The following PTPRK variants were observed in gnomAD, a reference collection of about 807,000 sequenced individuals.
PTPRK encodes the protein protein tyrosine phosphatase receptor type K, also known as receptor-type tyrosine-protein phosphatase kappa.
A neutral mutation model predicts 178.0 loss-of-function variants in PTPRK; 75 were observed. That is an observed-to-expected ratio of 0.42 (90% CI 0.35 to 0.51). The LOEUF (loss-of-function observed/expected upper bound fraction) is 0.51, where lower values mean the gene tolerates loss of function less well. Among genes scored for constraint, PTPRK ranks in the 20% least tolerant of loss-of-function variants. The pLI is 0.02. For synonymous variants in PTPRK, 637 were observed against 620.6 expected, an observed-to-expected ratio of 1.03 and a Z score of -0.39; for missense variants, 1,441 against 1,797.8, an observed-to-expected ratio of 0.80 and a Z score of 3.59.
chr6:128,238,225 A>T (rs1485336635), intron 5 of PTPRK: 5 of 392,652 alleles, frequency 1.3e-5, no homozygotes, highest in Non-Finnish European at 1.9e-5. Context: ...AAAAGAGGTG[A>T]GGTAGGGGAG....
At chr6:128,371,015 G>A (rs987357566) in intron 2 of PTPRK, among the ~76,000 whole-genome samples, 1 of 152,018 alleles carries the variant, frequency 6.6e-6, no homozygotes, top group Admixed American at 6.6e-5. Context: ...AACATTTCAA[G>A]AGAACAATAT....
intron 1 of PTPRK, among the ~76,000 whole-genome samples, chr6:128,513,513 G>GAAAT (rs1393462558): frequency 1.2e-4 from 18 of 149,272 alleles, no homozygotes; most frequent in African/African-American, 4.4e-4. Context: ...AAGAAAGAAA[G>GAAAT]AAATAAAGAA....
At chr6:128,511,219 T>C (rs140264660) in intron 1 of PTPRK, among the ~76,000 whole-genome samples, 2 of 152,342 alleles carry the variant, frequency 1.3e-5, no homozygotes, top group African/African-American at 4.8e-5. Context: ...CCTCTCTTTC[T>C]CTTCCACGCT....
At chr6:128,352,439 AGATTT>A (rs1833322340) in intron 2 of PTPRK, among the ~76,000 whole-genome samples, 1 of 151,288 alleles carries the variant, frequency 6.6e-6, no homozygotes, top group Non-Finnish European at 1.5e-5. Flanking sequence ...TGTACAGTCC[AGATTT>A]GATTGCCTCT....
chr6:128,447,622 C>T (rs983279387), intron 1 of PTPRK, among the ~76,000 whole-genome samples: 12 of 150,902 alleles, frequency 8.0e-5, no homozygotes, highest in African/African-American at 2.0e-4. Context: ...AGATTCAAAA[C>T]CGTGCCTTTT....
intron 5 of PTPRK, among the ~76,000 whole-genome samples, chr6:128,226,289 A>G (rs1811280100): frequency 6.6e-6 from 1 of 152,250 alleles, no homozygotes; most frequent in Non-Finnish European, 1.5e-5. Flanking sequence ...TATTCATAGC[A>G]AATTCTGATA....
At chr6:128,302,093 AAAGC>A in intron 3 of PTPRK, among the ~76,000 whole-genome samples, 1 of 152,230 alleles carries the variant, frequency 6.6e-6, no homozygotes, top group Middle Eastern at 3.4e-3. Context: ...ATTTTCATAA[AAAGC>A]CAGGAAACGG....
intron 7 of PTPRK, among the ~76,000 whole-genome samples, chr6:128,132,163 G>A (rs1230117570): frequency 6.6e-6 from 1 of 152,084 alleles, no homozygotes; most frequent in East Asian, 1.9e-4. Flanking sequence ...CAGGCTGTGT[G>A]TTTTATTTTT....
At chr6:128,001,793 A>C (rs977108518) in intron 15 of PTPRK, among the ~76,000 whole-genome samples, 2 of 151,976 alleles carry the variant, frequency 1.3e-5, no homozygotes, top group African/African-American at 2.4e-5. Flanking sequence ...ATATGTGTAG[A>C]AAATTATTGT....
chr6:128,372,640 C>T (rs1054532160), intron 2 of PTPRK, among the ~76,000 whole-genome samples: 1 of 152,060 alleles, frequency 6.6e-6, no homozygotes, highest in Non-Finnish European at 1.5e-5. Context: ...TTTTAGGTTA[C>T]TGAGGACAGA....
intron 8 of PTPRK, among the ~76,000 whole-genome samples, chr6:128,087,992 A>G (rs1189579030): frequency 6.6e-6 from 1 of 152,206 alleles, no homozygotes; most frequent in Admixed American, 6.5e-5. Context: ...GAAGGTAGGC[A>G]CCAAAAGACA....
chr6:128,151,375 T>C (rs1004006626), intron 7 of PTPRK, among the ~76,000 whole-genome samples: 2 of 152,050 alleles, frequency 1.3e-5, no homozygotes, highest in African/African-American at 4.8e-5. Context: ...AATTAAGGCA[T>C]TCTTAAAGAC....
chr6:128,103,209 C>T (rs1224505805), intron 7 of PTPRK, among the ~76,000 whole-genome samples: 1 of 152,040 alleles, frequency 6.6e-6, no homozygotes, highest in Admixed American at 6.6e-5. Flanking sequence ...GTGAAACAGC[C>T]AAACTCCAGG....
intron 3 of PTPRK, among the ~76,000 whole-genome samples, chr6:128,273,523 AC>A (rs1820229832): frequency 6.6e-6 from 1 of 152,150 alleles, no homozygotes; most frequent in African/African-American, 2.4e-5. Flanking sequence ...TCAAAACTAA[AC>A]AACCTACTGA....
intron 3 of PTPRK, among the ~76,000 whole-genome samples, chr6:128,316,787 C>T (rs924342018): frequency 6.7e-6 from 1 of 150,176 alleles, no homozygotes; most frequent in Admixed American, 6.7e-5. Context: ...GTGCGATCTC[C>T]ACTCACTGCA....
At chr6:128,146,408 A>ATGTGTGTGTGTGTTTATG (rs1336988287) in intron 7 of PTPRK, among the ~76,000 whole-genome samples, 17 of 145,164 alleles carry the variant, frequency 1.2e-4, no homozygotes, top group African/African-American at 4.4e-4. Context: ...GTGTGTGTTT[A>ATGTGTGTGTGTGTTTATG]TGTGTGTGTG....
chr6:128,393,386 G>A (rs1421080527), intron 2 of PTPRK, among the ~76,000 whole-genome samples: 2 of 152,106 alleles, frequency 1.3e-5, no homozygotes, highest in African/African-American at 2.4e-5. Context: ...ACCACGCCCG[G>A]CTGTTCATAA....
chr6:128,010,639 A>G (rs1778950077), intron 13 of PTPRK, among the ~76,000 whole-genome samples: 1 of 151,310 alleles, frequency 6.6e-6, no homozygotes, highest in South Asian at 2.1e-4. Context: ...TCTAATGTAA[A>G]TATCATTATA....
At chr6:128,362,276 C>T (rs985797700) in intron 2 of PTPRK, among the ~76,000 whole-genome samples, 1 of 152,092 alleles carries the variant, frequency 6.6e-6, no homozygotes, top group African/African-American at 2.4e-5. Flanking sequence ...TTTTTAAACT[C>T]TCTTACAATT....
Sources: allele counts gnomAD v4.1 joint callset (sites outside exome capture counted in the v4.1 genomes callset), GRCh38; gene constraint gnomAD v4.1.1; transcripts MANE v1.5; gene names NCBI Gene and HGNC (gene_info 2026-07-23, HGNC 2026-07-21).